CHRM3: variants seen among roughly 807,000 people sequenced by gnomAD.
CHRM3 encodes the protein cholinergic receptor muscarinic 3.
A neutral mutation model predicts 41.8 loss-of-function variants in CHRM3; 11 were observed. The ratio of observed to expected loss-of-function variants is 0.26; its 90% CI spans 0.17 to 0.44. The LOEUF is 0.44. CHRM3 is among the 20% of genes least tolerant of loss of function. The pLI is 1.00. For missense variants in CHRM3, 571 were observed against 745.4 expected (o/e 0.77, Z 2.72); for synonymous variants, 297 against 301.4 (o/e 0.99, Z 0.15).
chr1:239,404,406 A>AAGAAAG (rs1660333390), intron 1 of CHRM3, among the ~76,000 whole-genome samples: 1 of 53,936 alleles, frequency 1.9e-5, no homozygotes, highest in Non-Finnish European at 3.5e-5. Flanking sequence ...GAAAGAAAGA[A>AAGAAAG]AGAAAAAGAA....
chr1:239,446,148 G>A (rs1036981136), intron 1 of CHRM3, among the ~76,000 whole-genome samples: 1 of 152,226 alleles, frequency 6.6e-6, no homozygotes, highest in Admixed American at 6.5e-5. Context: ...TGTTGGCCAG[G>A]ATGGTCTTGA....
At chr1:239,533,558 C>T (rs945891415) in intron 2 of CHRM3, among the ~76,000 whole-genome samples, 3 of 150,958 alleles carry the variant, frequency 2.0e-5, no homozygotes, top group African/African-American at 7.3e-5. Context: ...GAGTGAAACC[C>T]CGTCTCTACT....
At chr1:239,636,723 C>G (rs987027178) in intron 4 of CHRM3, among the ~76,000 whole-genome samples, 1 of 152,086 alleles carries the variant, frequency 6.6e-6, no homozygotes, top group African/African-American at 2.4e-5. Context: ...TAAAATTGTG[C>G]AAAGGAAGGG....
intron 3 of CHRM3, among the ~76,000 whole-genome samples, chr1:239,631,561 C>G (rs985505887): frequency 2.6e-5 from 4 of 152,152 alleles, no homozygotes; most frequent in African/African-American, 9.7e-5. Flanking sequence ...CCACAGTTCC[C>G]CTGTTCTTCT....
At chr1:239,589,804 G>GT (rs1207002284) in intron 3 of CHRM3, among the ~76,000 whole-genome samples, 4 of 150,640 alleles carry the variant, frequency 2.7e-5, no homozygotes, top group Non-Finnish European at 5.9e-5. Flanking sequence ...TATATATATA[G>GT]TTTTTTTATG....
chr1:239,763,916 C>T (rs980849039), intron 5 of CHRM3, among the ~76,000 whole-genome samples: 1 of 151,340 alleles, frequency 6.6e-6, no homozygotes, highest in Admixed American at 6.6e-5. Context: ...GGCAACATAG[C>T]AAGACCCCCA....
chr1:239,413,003 G>A (rs759676066), intron 1 of CHRM3, among the ~76,000 whole-genome samples: 74 of 151,756 alleles, frequency 4.9e-4, no homozygotes, highest in Non-Finnish European at 9.3e-4. Flanking sequence ...GCTTGAACCC[G>A]GGAGGTGGAG....
At position 239,907,556 on chromosome 1, in the gene CHRM3, T is replaced by G. The variant is rs202207619; in HGVS notation, c.105T>G (p.Thr35=). The G allele has an allele frequency of 1.6e-5, 26 of 1,614,006 alleles. No individual in the cohort carries two copies. The highest frequency in any genetic ancestry group is 2.1e-5 in the Non-Finnish European group (25 of 1,180,016). ...SDAGLPPGTV[T]HFGSYNVSRA... is the part of the protein sequence containing the mutation. ...CAGGGCTGCCCCCGGGAACCGTCAC[T>G]CATTTCGGCAGCTACAATGTTTCTC... The change falls in exon 7 of 7, where the codon ACT becomes ACG. Residue 35 remains threonine (T), a synonymous_variant. Transcript: ENST00000676153. The surrounding 1 kb of genome is among the most constrained non-coding windows in gnomAD (Gnocchi z 5.4).
chr1:239,467,868 G>C (rs12403814), intron 1 of CHRM3, among the ~76,000 whole-genome samples: 3 of 150,826 alleles, frequency 2.0e-5, no homozygotes, highest in Admixed American at 2.0e-4. Flanking sequence ...CCTTAAAATA[G>C]AATTCATCAT....
intron 1 of CHRM3, among the ~76,000 whole-genome samples, chr1:239,475,130 A>C (rs898724939): frequency 4.6e-5 from 7 of 152,116 alleles, no homozygotes; most frequent in Non-Finnish European, 7.4e-5. Flanking sequence ...GGAATAATTT[A>C]ATTCCTAAGT....
rs555977362 is a variant in CHRM3 at position 239,779,346 on chromosome 1, A to C, written c.-146-47906A>C. ...ATCACCAAAGACCCTGGTTTACCTGAGGTTTCACTCTTGGTGTTGTATATT... is the reference window on the plus strand; with the variant it reads ...ATCACCAAAGACCCTGGTTTACCTGCGGTTTCACTCTTGGTGTTGTATATT... On this transcript the variant is annotated intron_variant, in intron 5 of 6. Coordinates refer to ENST00000676153, the MANE Select transcript of CHRM3 (RefSeq NM_001375978.1). Among the ~76,000 whole-genome samples the C allele has an allele frequency of 1.8e-4, 27 of 152,334 alleles. No homozygotes were observed. The East Asian group carries it at 4.8e-3, about 27-fold the overall frequency.
At chr1:239,637,005 T>A (rs979187430) in intron 4 of CHRM3, among the ~76,000 whole-genome samples, 2 of 152,214 alleles carry the variant, frequency 1.3e-5, no homozygotes, top group African/African-American at 2.4e-5. Context: ...AGAAGTTCAG[T>A]TTGTATCCTC....
chr1:239,707,398 C>T (rs768062524), intron 5 of CHRM3: 36 of 152,180 alleles, frequency 2.4e-4, no homozygotes, highest in African/African-American at 6.0e-4. Flanking sequence ...GTTGTGGGCC[C>T]GTGATAATTC....
chr1:239,700,673 G>T (rs1476528422), intron 5 of CHRM3, among the ~76,000 whole-genome samples: 2 of 152,282 alleles, frequency 1.3e-5, no homozygotes, highest in South Asian at 4.1e-4. Context: ...TCATGCACCT[G>T]TAGCCCGCAG....
At chr1:239,733,155 T>C (rs560544754) in intron 5 of CHRM3, among the ~76,000 whole-genome samples, 48 of 152,068 alleles carry the variant, frequency 3.2e-4, no homozygotes, top group Non-Finnish European at 4.3e-4. Flanking sequence ...TTAATCAGGT[T>C]GACTAAATGT....
chr1:239,460,479 G>A (rs1245011840), intron 1 of CHRM3, among the ~76,000 whole-genome samples: 1 of 152,044 alleles, frequency 6.6e-6, no homozygotes, highest in African/African-American at 2.4e-5. Context: ...ATCCAAGGTT[G>A]CATTTATATT....
chr1:239,806,360 G>A (rs1366833773), intron 5 of CHRM3, among the ~76,000 whole-genome samples: 1 of 150,974 alleles, frequency 6.6e-6, no homozygotes, highest in South Asian at 2.1e-4. Context: ...CACACCTGTG[G>A]ACATCCAGGA....
chr1:239,814,395 G>A (rs528968718), intron 5 of CHRM3, among the ~76,000 whole-genome samples: 1 of 152,244 alleles, frequency 6.6e-6, no homozygotes, highest in East Asian at 1.9e-4. Context: ...AAGAGAAATG[G>A]TCATGAGTCA....
rs565539764 is a variant in CHRM3 at position 239,533,855 on chromosome 1, C to T, written c.-421-11786C>T. ...ATGATTCATTACCTCCCACTGGGTC[C>T]TTCCCATGACATGTGGGGATTATGA... is the stretch of plus-strand genomic sequence containing the variant. On this transcript the variant is annotated intron_variant, in intron 2 of 6. Transcript: ENST00000676153. Among the ~76,000 whole-genome samples the T allele has an allele frequency of 3.9e-5, 6 of 152,094 alleles. No homozygotes were observed. In the South Asian group the frequency reaches 1.2e-3, roughly 32 times the overall value.
Sources: allele counts gnomAD v4.1 joint callset (sites outside exome capture counted in the v4.1 genomes callset), GRCh38; gene constraint gnomAD v4.1.1; non-coding constraint Gnocchi (gnomAD v3.1); transcripts MANE v1.5; gene names NCBI Gene and HGNC (gene_info 2026-07-23, HGNC 2026-07-21).